Variants in ZCCHC4 observed in about 807,000 individuals in gnomAD.
The protein encoded by ZCCHC4 is rRNA N(6)-adenosine-methyltransferase ZCCHC4.
ZCCHC4 carries 54 observed loss-of-function variants against 67.7 expected under a neutral mutation model. The observed-to-expected ratio is 0.80, with a 90% CI of 0.64 to 1.00. The LOEUF (loss-of-function observed/expected upper bound fraction) is 1.00, where lower values mean the gene tolerates loss of function less well. ZCCHC4 is among the 50% of genes least tolerant of loss of function. ZCCHC4 has a pLI of 0.00. For missense variants in ZCCHC4, 609 were observed against 617.0 expected (o/e 0.99, Z 0.14); for synonymous variants, 198 against 213.5 (o/e 0.93, Z 0.63).
At chr4:25,313,410 G>A (rs1448999417) in intron 1 of ZCCHC4, among the ~76,000 whole-genome samples, 1 of 152,186 alleles carries the variant, frequency 6.6e-6, no homozygotes, top group South Asian at 2.1e-4. Flanking sequence ...AGATGTCAAA[G>A]TCCTCAATTC....
chr4:25,321,229 TTTC>T (rs989747611), intron 3 of ZCCHC4, among the ~76,000 whole-genome samples: 10 of 152,116 alleles, frequency 6.6e-5, no homozygotes, highest in Non-Finnish European at 1.2e-4. Flanking sequence ...TTCCTTTCCT[TTTC>T]TTTCTTTCTC....
Position 25,333,906 on chromosome 4 carries a change from AG to A in ZCCHC4, c.606del, listed in dbSNP as rs770032330. ...TACATTTGCTTTCACTAATTGCTTT[AG>A]GTTGCATGAGCTGATCAAGTTGACA... On this transcript the variant is annotated splice_acceptor_variant, in intron 4 of 12. Transcript: ENST00000302874. LOFTEE classifies it high-confidence loss of function. 11 of 1,584,366 alleles carry A rather than the reference AG, an allele frequency of 6.9e-6. No homozygotes were observed. In the South Asian group the frequency reaches 1.3e-4, roughly 19 times the overall value.
intron 3 of ZCCHC4, among the ~76,000 whole-genome samples, chr4:25,322,042 C>T (rs751048519): frequency 1.3e-5 from 2 of 152,146 alleles, no homozygotes; most frequent in African/African-American, 2.4e-5. Context: ...GTTTGGCTGA[C>T]GGCAATTATA....
At chr4:25,345,821 CT>C (rs1719981058) in intron 6 of ZCCHC4, among the ~76,000 whole-genome samples, 1 of 152,142 alleles carries the variant, frequency 6.6e-6, no homozygotes, top group Admixed American at 6.6e-5. Context: ...CTTCTCACTA[CT>C]TTTTGGATGA....
intron 3 of ZCCHC4, among the ~76,000 whole-genome samples, chr4:25,317,704 C>CAAAAAAAA (rs778867924): frequency 1.5e-3 from 108 of 72,326 alleles, no homozygotes; most frequent in African/African-American, 3.4e-3. Context: ...GACGCTGTCA[C>CAAAAAAAA]AAAAAAAAAA....
At chr4:25,319,093 C>T (rs961591493) in intron 3 of ZCCHC4, among the ~76,000 whole-genome samples, 2 of 152,124 alleles carry the variant, frequency 1.3e-5, no homozygotes, top group African/African-American at 4.8e-5. Flanking sequence ...ATAGAAAAGG[C>T]TAAGTGCTGG....
intron 3 of ZCCHC4, among the ~76,000 whole-genome samples, chr4:25,316,171 C>G (rs1005165122): frequency 6.6e-6 from 1 of 152,198 alleles, no homozygotes; most frequent in African/African-American, 2.4e-5. Context: ...TTCCTTTTTA[C>G]AACTGAATAA....
At chr4:25,323,138 T>C (rs1187277337) in intron 3 of ZCCHC4, among the ~76,000 whole-genome samples, 1 of 152,258 alleles carries the variant, frequency 6.6e-6, no homozygotes, top group Admixed American at 6.5e-5. Flanking sequence ...CTTTGTCTAA[T>C]GATTTTAGCT....
chr4:25,368,253 T>C (rs1721020964), intron 12 of ZCCHC4, among the ~76,000 whole-genome samples: 1 of 152,166 alleles, frequency 6.6e-6, no homozygotes, highest in Non-Finnish European at 1.5e-5. Flanking sequence ...TTGGCATTGT[T>C]GTAGCTCTGG....
At chr4:25,365,193 T>G in intron 12 of ZCCHC4, 27 bp downstream of exon 12, 1 of 1,612,722 alleles carries the variant, frequency 6.2e-7, no homozygotes. Context: ...ACTAGAAAAA[T>G]GTATTCCATC....
Position 25,317,704 on chromosome 4 carries a change from C to CAAAA in ZCCHC4, c.329+2323_329+2326dup, listed in dbSNP as rs778867924. ...CAGGTGACAGAGTGAGACGCTGTCA[C>CAAAA]AAAAAAAAAAAAAAAAAAAAAAGAA... On this transcript the variant is annotated intron_variant, in intron 3 of 12. Transcript: ENST00000302874. 3.1e-3 allele frequency among the ~76,000 whole-genome samples: 222 copies of CAAAA among 72,052 alleles called. 1 individual carries two copies. Among genetic ancestry groups the CAAAA allele is most frequent in the Middle Eastern group, 0.025 (2 of 80 alleles). The allele number at this position is 72,052 out of a possible 152,430, so 47.3% of individuals were successfully genotyped here.
intron 5 of ZCCHC4, among the ~76,000 whole-genome samples, chr4:25,336,784 G>T (rs148928800): frequency 3.6e-3 from 543 of 152,296 alleles, no homozygotes; most frequent in Middle Eastern, 6.8e-3. Flanking sequence ...ACTGTGCCTG[G>T]TGTAGCTGGT....
chr4:25,315,101 A>G (rs1433843898), intron 2 of ZCCHC4, among the ~76,000 whole-genome samples: 3 of 152,230 alleles, frequency 2.0e-5, no homozygotes, highest in Non-Finnish European at 4.4e-5. Context: ...ATGATGCTAC[A>G]GTGAACATAT....
intron 6 of ZCCHC4, among the ~76,000 whole-genome samples, 164 bp downstream of exon 6, chr4:25,345,784 G>A (rs961562980): frequency 2.0e-5 from 3 of 152,146 alleles, no homozygotes; most frequent in Admixed American, 2.0e-4. Flanking sequence ...AGCACCTAGA[G>A]GTGATTTTAT....
intron 5 of ZCCHC4, among the ~76,000 whole-genome samples, chr4:25,342,115 C>T (rs1719782571): frequency 6.6e-6 from 1 of 151,994 alleles, no homozygotes; most frequent in South Asian, 2.1e-4. Context: ...GTTATTGAGT[C>T]AGTTCTGTAG....
At chr4:25,344,061 A>C (rs532302723) in intron 5 of ZCCHC4, among the ~76,000 whole-genome samples, 2 of 152,330 alleles carry the variant, frequency 1.3e-5, no homozygotes, top group South Asian at 4.1e-4. Context: ...AGACCCAGAT[A>C]CATAAATGGG....
At chr4:25,354,323 C>T (rs981639365) in intron 8 of ZCCHC4, among the ~76,000 whole-genome samples, 2 of 152,138 alleles carry the variant, frequency 1.3e-5, no homozygotes, top group South Asian at 2.1e-4. Flanking sequence ...TAATTATGCA[C>T]TTCAGTGTAT....
intron 5 of ZCCHC4, among the ~76,000 whole-genome samples, chr4:25,336,922 A>G (rs1274658183): frequency 6.6e-6 from 1 of 152,228 alleles, no homozygotes. Context: ...GAGGTTAAAT[A>G]GCTTGATCAA....
At chr4:25,325,165 T>C (rs111546982) in intron 3 of ZCCHC4, among the ~76,000 whole-genome samples, 13,395 of 72,242 alleles carry the variant, frequency 0.19, 1,349 homozygotes, top group Non-Finnish European at 0.28. Flanking sequence ...ATGGCGTGAA[T>C]CCCGGGAGGC....
Sources: gnomAD v4.1 joint callset for allele counts (sites outside exome capture counted in the v4.1 genomes callset) on GRCh38, gnomAD v4.1.1 for gene constraint, MANE v1.5 for transcripts, NCBI Gene and HGNC (gene_info 2026-07-23, HGNC 2026-07-21) for gene names.